ZNF652: variants seen among roughly 807,000 people sequenced by gnomAD.
ZNF652 encodes zinc finger protein 652.
A neutral mutation model predicts 45.2 loss-of-function variants in ZNF652; 16 were observed. The ratio of observed to expected loss-of-function variants is 0.35; its 90% CI spans 0.24 to 0.54. The LOEUF (loss-of-function observed/expected upper bound fraction) is 0.54, where lower values mean the gene tolerates loss of function less well. Ranked by LOEUF, ZNF652 falls within the 20% of genes least tolerant of loss-of-function variation. The pLI is 0.91. For synonymous variants in ZNF652, 250 were observed against 260.6 expected, an observed-to-expected ratio of 0.96 and a Z score of 0.39; for missense variants, 614 against 765.6, an observed-to-expected ratio of 0.80 and a Z score of 2.34.
rs1436107562 is a variant in ZNF652 at position 49,295,552 on chromosome 17, T to C, written c.*2861A>G. On this transcript the variant is annotated 3_prime_UTR_variant, in exon 6 of 6. Transcript: ENST00000430262. ...AAAGATGACTACCTGAATATTCCAGTGTATAATTACAGTACAACCTCATGA... is the reference window on the plus strand; with the variant it reads ...AAAGATGACTACCTGAATATTCCAGCGTATAATTACAGTACAACCTCATGA... 6.6e-6 allele frequency: 1 copy of C among 152,480 alleles called. No homozygotes were observed. The highest frequency in any genetic ancestry group is 1.5e-5 in the Non-Finnish European group (1 of 68,008). 9.4% of individuals were successfully genotyped at this position (152,480 alleles called of 1,614,324 possible).
Position 49,293,655 on chromosome 17 carries a change from TAAA to T in ZNF652, c.*4755_*4757del, listed in dbSNP as rs10609861. Among the ~76,000 whole-genome samples, 36,540 of 78,782 alleles carry T rather than the reference TAAA, an allele frequency of 0.46. 6,758 individuals are homozygous for T. Among genetic ancestry groups the T allele is most frequent in the South Asian group, 0.56 (1,224 of 2,174 alleles). The allele number at this position is 78,782 out of a possible 152,430, so 51.7% of individuals were successfully genotyped here. ...CTAATGGCTTATGACCTTTCATTCC[TAAA>T]AAAAAAAAAAAAAAAAAAAAAAAAA... is the stretch of plus-strand genomic sequence containing the variant. On this transcript the variant is annotated 3_prime_UTR_variant, in exon 6 of 6. Transcript: ENST00000430262.
chr17:49,326,088 T>C (rs890866327), intron 1 of ZNF652, among the ~76,000 whole-genome samples: 1 of 151,698 alleles, frequency 6.6e-6, no homozygotes, highest in African/African-American at 2.4e-5. Context: ...AAGGAAGAAG[T>C]ATGGGACCAA....
chr17:49,296,273 C>T lies in ZNF652; in HGVS notation c.*2140G>A, dbSNP rs1244726485. ...AAACCAGGAAGTATGTCTTGATATA[C>T]TTTTCTGCCTCATTCCAAAATTTTC... On this transcript the variant is annotated 3_prime_UTR_variant, in exon 6 of 6. Transcript: ENST00000430262. The T allele has an allele frequency of 1.3e-5, 2 of 152,566 alleles. No homozygotes were observed. The highest frequency in any genetic ancestry group is 2.9e-5 in the Non-Finnish European group (2 of 68,028). The allele number at this position is 152,566 out of a possible 1,614,324, so 9.5% of individuals were successfully genotyped here.
At chr17:49,349,466 A>G (rs2070247327) in intron 1 of ZNF652, among the ~76,000 whole-genome samples, 2 of 152,200 alleles carry the variant, frequency 1.3e-5, no homozygotes, top group South Asian at 4.1e-4. Flanking sequence ...TTGCCATAGC[A>G]GGGATTCTTT....
rs372930258 is a variant in ZNF652 at position 49,322,948 on chromosome 17, T to C, written c.-258-4965A>G. On this transcript the variant is annotated intron_variant, in intron 1 of 5. Transcript: ENST00000430262. ...ATCTGATCCTTCAGTGAATCAATCA[T>C]TTTGCCGATGGGGGGTCTTGCTTCA... Among the ~76,000 whole-genome samples, 3 of 152,274 alleles carry C rather than the reference T, an allele frequency of 2.0e-5. No individual in the cohort carries two copies. The South Asian group carries it at 6.2e-4, about 32-fold the overall frequency.
chr17:49,303,998 C>T (rs2069590858), intron 5 of ZNF652, among the ~76,000 whole-genome samples: 1 of 151,962 alleles, frequency 6.6e-6, no homozygotes, highest in Non-Finnish European at 1.5e-5. Flanking sequence ...ATGCCATTCT[C>T]CTGCCTCAGC....
rs1379914116 is a variant in ZNF652 at position 49,293,668 on chromosome 17, A to G, written c.*4745T>C. ...ACCTTTCATTCCTAAAAAAAAAAAA[A>G]AAAAAAAAAAAAAAAAACTCTTAAG... On this transcript the variant is annotated 3_prime_UTR_variant, in exon 6 of 6. Transcript: ENST00000430262. 7.2e-6 allele frequency among the ~76,000 whole-genome samples: 1 copy of G among 138,606 alleles called. No homozygotes were observed. The highest frequency in any genetic ancestry group is 1.5e-5 in the Non-Finnish European group (1 of 66,928). 90.9% of individuals were successfully genotyped at this position (138,606 alleles called of 152,430 possible). A position where few individuals can be genotyped will look rare whatever the true frequency, so the allele number is the denominator to read the frequency against.
chr17:49,358,792 G>A (rs2070364419), intron 1 of ZNF652, among the ~76,000 whole-genome samples: 1 of 152,196 alleles, frequency 6.6e-6, no homozygotes, highest in Admixed American at 6.5e-5. Flanking sequence ...CACAGCTGCA[G>A]AAAGTAGGTG....
chr17:49,295,947 A>AC lies in ZNF652; in HGVS notation c.*2465_*2466insG, dbSNP rs1428561962. The AC allele has an allele frequency of 4.7e-4, 59 of 126,694 alleles. 1 individual carries two copies. Among genetic ancestry groups the AC allele is most frequent in the African/African-American group, 1.6e-3 (52 of 31,856 alleles). 7.8% of individuals were successfully genotyped at this position (126,694 alleles called of 1,614,324 possible). On this transcript the variant is annotated 3_prime_UTR_variant, in exon 6 of 6. Transcript: ENST00000430262. ...AACAAGACTCTGCCTCAAAAAAAAA[A>AC]AAAAAAAAAAAAAAAAAACAGAACA...
At chr17:49,325,795 GT>G (rs1391233062) in intron 1 of ZNF652, among the ~76,000 whole-genome samples, 1 of 152,048 alleles carries the variant, frequency 6.6e-6, no homozygotes, top group African/African-American at 2.4e-5. Context: ...GCATGCTACT[GT>G]TTTTATTATG....
intron 1 of ZNF652, among the ~76,000 whole-genome samples, chr17:49,328,224 C>T (rs1035431478): frequency 4.0e-5 from 6 of 151,646 alleles, no homozygotes; most frequent in African/African-American, 1.5e-4. Context: ...GTGAACAGGC[C>T]ACGGGAAGTT....
intron 2 of ZNF652, among the ~76,000 whole-genome samples, chr17:49,315,919 T>C (rs2069797410): frequency 6.6e-6 from 1 of 152,238 alleles, no homozygotes; most frequent in Non-Finnish European, 1.5e-5. Context: ...ACTTAAAAAG[T>C]GACTACCAAT....
At chr17:49,358,669 C>G (rs992494720) in intron 1 of ZNF652, among the ~76,000 whole-genome samples, 1 of 151,816 alleles carries the variant, frequency 6.6e-6, no homozygotes, top group African/African-American at 2.4e-5. Flanking sequence ...TACTAATCAA[C>G]TTTTTTTTTC....
intron 2 of ZNF652, among the ~76,000 whole-genome samples, chr17:49,315,775 G>A (rs2069794759): frequency 1.3e-5 from 2 of 152,118 alleles, no homozygotes; most frequent in African/African-American, 2.4e-5. Flanking sequence ...TTTACCCAGC[G>A]TGTTGGAGAT....
chr17:49,320,131 C>T (rs17701489), intron 1 of ZNF652, among the ~76,000 whole-genome samples: 35,245 of 151,804 alleles, frequency 0.23, 4,204 homozygotes, highest in South Asian at 0.31. Flanking sequence ...CCTCATGCTC[C>T]CAATAGTTAT....
intron 5 of ZNF652, among the ~76,000 whole-genome samples, chr17:49,302,818 C>T (rs939145179): frequency 2.6e-5 from 4 of 151,250 alleles, no homozygotes; most frequent in African/African-American, 7.3e-5. Context: ...AAAAATTAGC[C>T]GGGTGTGGTG....
chr17:49,289,200 AGG>A (rs374522728), downstream of ZNF652: 4 of 138,396 alleles, frequency 2.9e-5, no homozygotes, highest in African/African-American at 1.2e-4. Flanking sequence ...AAAGACACAC[AGG>A]GGATATGGCT....
chr17:49,307,963 A>G (rs1401383726), intron 5 of ZNF652, among the ~76,000 whole-genome samples: 2 of 152,234 alleles, frequency 1.3e-5, no homozygotes, highest in Admixed American at 6.5e-5. Flanking sequence ...AGGTTACAAC[A>G]GAGTATAAAG....
At position 49,305,260 on chromosome 17, in the gene ZNF652, C is replaced by T. The variant is rs1478911773; in HGVS notation, c.1309+6052G>A. On this transcript the variant is annotated intron_variant, in intron 5 of 5. Transcript: ENST00000430262. ...TATTTTGATAGTACTGATATCCAGT[C>T]AATTCACCAAGTTCTACTTTGTCTA... 2.0e-5 allele frequency among the ~76,000 whole-genome samples: 3 copies of T among 151,810 alleles called. No individual in the cohort carries two copies. The East Asian group carries it at 5.8e-4, about 29-fold the overall frequency.
Sources: gnomAD v4.1 joint callset for allele counts (sites outside exome capture counted in the v4.1 genomes callset) on GRCh38, gnomAD v4.1.1 for gene constraint, MANE v1.5 for transcripts, NCBI Gene and HGNC (gene_info 2026-07-23, HGNC 2026-07-21) for gene names.